Variants in LRRC75B observed in about 807,000 individuals in gnomAD.
LRRC75B encodes the protein leucine rich repeat containing 75B, also known as leucine-rich repeat-containing protein 75B.
LRRC75B carries 20 observed loss-of-function variants against 16.5 expected under a neutral mutation model. The ratio of observed to expected loss-of-function variants is 1.21; its 90% CI spans 0.85 to 1.76. LRRC75B has a LOEUF of 1.76. Among genes scored for constraint, LRRC75B ranks in the 40% most tolerant of loss-of-function variants. The probability of loss-of-function intolerance (pLI) is 0.00; values close to 1 mark genes in which losing one functional copy is unlikely to be tolerated. For synonymous variants in LRRC75B, 199 were observed against 198.1 expected (o/e 1.00, Z -0.04); for missense variants, 406 against 417.0 (o/e 0.97, Z 0.23).
chr22:24,589,609 G>C (rs1472337517), intron 2 of LRRC75B: 4 of 605,922 alleles, frequency 6.6e-6, no homozygotes, highest in Non-Finnish European at 1.1e-5. Flanking sequence ...AGGACTCTGA[G>C]GGTCCTGCAA....
At chr22:24,588,664 C>G in intron 2 of LRRC75B, 1 of 1,122,946 alleles carries the variant, frequency 8.9e-7, no homozygotes, top group Non-Finnish European at 1.1e-6. Flanking sequence ...CCCTCAGCAC[C>G]CTTCGGGGAC....
At chr22:24,589,418 C>T (rs1266840604) in intron 2 of LRRC75B, 15 of 1,021,812 alleles carry the variant, frequency 1.5e-5, no homozygotes, top group Non-Finnish European at 7.2e-6. Flanking sequence ...GGGCTCTAGC[C>T]GAGAGCGGCT....
chr22:24,590,324 G>A (rs554870003), intron 1 of LRRC75B, among the ~76,000 whole-genome samples: 7 of 152,282 alleles, frequency 4.6e-5, no homozygotes, highest in African/African-American at 1.7e-4. Flanking sequence ...TAGAAATGGG[G>A]TCTCACTATG....
At chr22:24,587,532 A>G (rs2045432520) in intron 3 of LRRC75B, among the ~76,000 whole-genome samples, 1 of 152,106 alleles carries the variant, frequency 6.6e-6, no homozygotes, top group Non-Finnish European at 1.5e-5. Context: ...GGTGGAGGGC[A>G]GACAGGGGAG....
chr22:24,592,635 C>A, intron 1 of LRRC75B: 1 of 648,120 alleles, frequency 1.5e-6, no homozygotes, highest in Non-Finnish European at 2.4e-6. Flanking sequence ...CACGGTCCGC[C>A]GACCTCACCC....
At chr22:24,586,526 A>C in intron 3 of LRRC75B, 115 bp from the exon 4 acceptor site, 2 of 1,113,474 alleles carry the variant, frequency 1.8e-6, no homozygotes, top group South Asian at 1.5e-5. Flanking sequence ...AGCCAGATTC[A>C]AACTGTGTCT....
rs760648681 is a variant in LRRC75B, at chr22:24,585,847, C to T, written c.*39G>A. ...TCGCCCACTATCATGTGCTTGAGAG[C>T]ATCACAAGTCAGTAGCAATGAGCCA... On this transcript the variant is annotated 3_prime_UTR_variant, in exon 4 of 4. Transcript: ENST00000318753. 9.9e-6 allele frequency: 15 copies of T among 1,509,138 alleles called. No homozygotes were observed. The highest frequency in any genetic ancestry group is 1.3e-5 in the Non-Finnish European group (15 of 1,127,546). The allele number at this position is 1,509,138 out of a possible 1,614,324, so 93.5% of individuals were successfully genotyped here.
chr22:24,588,184 G>C (rs913771208), intron 3 of LRRC75B, 30 bp downstream of exon 3: 14 of 1,526,934 alleles, frequency 9.2e-6, no homozygotes, highest in Non-Finnish European at 1.3e-5. Flanking sequence ...GAGCAGCAGT[G>C]AGGAGGGGCA....
chr22:24,593,020 C>T lies in LRRC75B; in HGVS notation c.20G>A (p.Arg7Gln). 9.3e-7 allele frequency: 1 copy of T among 1,072,166 alleles called. No homozygotes were observed. The highest frequency in any genetic ancestry group is 4.4e-5 in the South Asian group (1 of 22,908). The allele number at this position is 1,072,166 out of a possible 1,614,324, so 66.4% of individuals were successfully genotyped here. The change falls in exon 1 of 4, where the codon CGG becomes CAG. Residue 7 changes from arginine (R) to glutamine (Q), a missense_variant. Coordinates refer to ENST00000318753, the MANE Select transcript of LRRC75B (RefSeq NM_207644.3). ...AGAGCCAGCCTCGGGCCCGGCCCGC[C>T]GGCCCAGCCGCGCCCCCATGGCCGC... MGARLGRRAGPEAGSEA... is the reference protein window; with the variant it reads MGARLGQRAGPEAGSEA...
At chr22:24,590,860 AC>A (rs372468368) in intron 1 of LRRC75B, among the ~76,000 whole-genome samples, 1 of 150,950 alleles carries the variant, frequency 6.6e-6, no homozygotes, top group African/African-American at 2.4e-5. Context: ...AAGCTCTGGA[AC>A]CCCCCAGCAC....
In LRRC75B at chr22:24,585,895, A is replaced by G. The variant is rs951725020; in HGVS notation, c.939T>C (p.Cys313=). Residue 313 remains cysteine, a synonymous_variant, in exon 4 of 4, where the codon TGT becomes TGC. Coordinates refer to ENST00000318753, the MANE Select transcript of LRRC75B (RefSeq NM_207644.3). ...AGLGPEPQAC[C]AR ...CCAGGTGGGTGGTGGGTCACCTGGC[A>G]CAGCAGGCCTGGGGCTCGGGTCCCA... 4.4e-6 allele frequency: 7 copies of G among 1,587,152 alleles called. No individual in the cohort carries two copies. The African/African-American group carries it at 9.4e-5, about 21-fold the overall frequency.
chr22:24,587,038 A>G (rs2045415033), intron 3 of LRRC75B, among the ~76,000 whole-genome samples: 1 of 152,208 alleles, frequency 6.6e-6, no homozygotes. Context: ...AGATAGGTGA[A>G]GTAACTCTTC....
intron 2 of LRRC75B, chr22:24,589,035 G>C: frequency 9.8e-7 from 1 of 1,023,066 alleles, no homozygotes; most frequent in East Asian, 1.1e-4. Context: ...TGCAAGCCCT[G>C]GCTGTTCCTG....
chr22:24,588,111 A>G (rs938957805), intron 3 of LRRC75B, 103 bp downstream of exon 3: 6 of 891,176 alleles, frequency 6.7e-6, no homozygotes, highest in Non-Finnish European at 1.1e-5. Context: ...GGGCCTCACC[A>G]GGTGGGATTT....
intron 2 of LRRC75B, chr22:24,589,601 G>A: frequency 1.7e-6 from 1 of 584,706 alleles, no homozygotes; most frequent in East Asian, 3.6e-5. Flanking sequence ...GTCTGCCCAG[G>A]ACTCTGAGGG....
Position 24,589,832 on chromosome 22 carries a change from A to C in LRRC75B, c.295T>G (p.Cys99Gly). 1 of 1,612,862 alleles carries C rather than the reference A, an allele frequency of 6.2e-7. No homozygotes were observed. The highest frequency in any genetic ancestry group is 8.5e-7 in the Non-Finnish European group (1 of 1,179,552). ...CCTGCCAGCCTCACCTTCTTGGGGC[A>C]CTGCAGGTCCCGGGCCAGGTTCACA... ...LLVNLARDLQ[C>G]PKKDYELWKS... Residue 99 changes from cysteine to glycine, a missense_variant, in exon 2 of 4, where the codon TGC (cysteine) becomes GGC (glycine). Coordinates refer to ENST00000318753, the MANE Select transcript of LRRC75B (RefSeq NM_207644.3).
Position 24,591,713 on chromosome 22 carries a change from G to C in LRRC75B, c.177+1150C>G, listed in dbSNP as rs559114301. On this transcript the variant is annotated intron_variant, in intron 1 of 3. Transcript: ENST00000318753. ...CAGGCAGCATCCCAGACTGAGATCT[G>C]TGCCTCTGGTTGTCTGGCTGATTCA... Among the ~76,000 whole-genome samples, 4 of 152,368 alleles carry C rather than the reference G, an allele frequency of 2.6e-5. No individual in the cohort carries two copies. In the South Asian group the frequency reaches 8.3e-4, roughly 32 times the overall value.
In LRRC75B at chr22:24,586,170, G is replaced by C; in HGVS notation, c.664C>G (p.Arg222Gly). The change falls in exon 4 of 4, where the codon CGG becomes GGG. Residue 222 changes from arginine (R) to glycine (G), a missense_variant. By Grantham distance (125) the Arg-to-Gly change is moderately radical. Transcript: ENST00000318753. Reference sequence around the variant, plus strand: ...TCAGTGAGCTTGCGGGCAGTGGCCCGCGTCAGTCGGTTGCCGTTGAGCAGG... The same window carrying C: ...TCAGTGAGCTTGCGGGCAGTGGCCCCCGTCAGTCGGTTGCCGTTGAGCAGG... The part of the protein sequence containing the change: ...QLLLNGNRLT[R>G]ATARKLTDAI... The C allele has an allele frequency of 6.2e-7, 1 of 1,613,596 alleles. No homozygotes were observed. Among genetic ancestry groups the C allele is most frequent in the Non-Finnish European group, 8.5e-7 (1 of 1,179,994 alleles).
chr22:24,592,280 G>C, intron 1 of LRRC75B: 1 of 467,122 alleles, frequency 2.1e-6, no homozygotes, highest in Non-Finnish European at 4.4e-6. Flanking sequence ...TGCTGGGGAT[G>C]TGTACTCTAA....
Sources: allele counts gnomAD v4.1 joint callset (sites outside exome capture counted in the v4.1 genomes callset), GRCh38; gene constraint gnomAD v4.1.1; transcripts MANE v1.5; gene names NCBI Gene and HGNC (gene_info 2026-07-23, HGNC 2026-07-21).